Variants in RYR1 observed in about 807,000 individuals in gnomAD.
The protein encoded by RYR1 is central core disease of muscle.
A neutral mutation model predicts 583.5 loss-of-function variants in RYR1; 342 were observed. The ratio of observed to expected loss-of-function variants is 0.59; its 90% confidence interval spans 0.54 to 0.64. The LOEUF is 0.64. Among genes scored for constraint, RYR1 ranks in the 30% least tolerant of loss-of-function variants. The probability of loss-of-function intolerance (pLI) is 0.00; values close to 1 mark genes in which losing one functional copy is unlikely to be tolerated. For missense variants in RYR1, 6,032 were observed against 6,917.2 expected (o/e 0.87, Z 4.54); for synonymous variants, 2,791 against 2,822.5 (o/e 0.99, Z 0.35).
At chr19:38,504,159 G>A (rs2145625915) in intron 49 of RYR1, 61 bp from the exon 50 acceptor site, 10 of 1,554,398 alleles carry the variant, frequency 6.4e-6, no homozygotes, top group African/African-American at 1.4e-5. Context: ...CTGGGCCTTC[G>A]TCTGCCTGCC....
rs747311834 is a variant in RYR1 at position 38,477,743 on chromosome 19, G to A, written c.4327G>A (p.Glu1443Lys). The change falls in exon 30 of 106, where the codon GAG (glutamate) becomes AAG (lysine). Residue 1443 changes from glutamate (E) to lysine (K), a missense_variant. Glu to Lys is a moderately conservative substitution (Grantham distance 56). Around this residue, in one of 11 missense-constraint regions of RYR1, gnomAD observed 2,627 missense variants for 2,961.3 expected, o/e 0.89. Transcript: ENST00000359596. ...CTCCGTGAGGGTCTTTGCTGGACAGGAGCCCAGCTGCGTGTGGGCGGGCTG... is the reference window on the plus strand; with the variant it reads ...CTCCGTGAGGGTCTTTGCTGGACAGAAGCCCAGCTGCGTGTGGGCGGGCTG... ...YYSVRVFAGQ[E>K]PSCVWAGWVT... The A allele has an allele frequency of 6.2e-6, 10 of 1,614,142 alleles. No homozygotes were observed. In the South Asian group the frequency reaches 1.1e-4, roughly 18 times the overall value.
Position 38,464,711 on chromosome 19 carries a change from A to G in RYR1, c.2859A>G (p.Lys953=). The change falls in exon 23 of 106, where the codon AAA becomes AAG. Residue 953 remains lysine (K), a synonymous_variant. Transcript: ENST00000359596. ...EKAEDNLKKT[K]LPKTYMMSNG... The stretch of plus-strand genomic sequence containing the variant: ...CGGAGGACAACCTGAAGAAGACAAA[A>G]CTCCCCAAGACGTGAGTGTGGGCAG... 1 of 1,583,022 alleles carries G rather than the reference A, an allele frequency of 6.3e-7. No individual in the cohort carries two copies. Among genetic ancestry groups the G allele is most frequent in the African/African-American group, 1.3e-5 (1 of 74,324 alleles).
intron 93 of RYR1, among the ~76,000 whole-genome samples, chr19:38,568,418 C>T (rs1388693336): frequency 6.6e-6 from 1 of 151,940 alleles, no homozygotes; most frequent in African/African-American, 2.4e-5. Context: ...ATCCTGTCTC[C>T]CCTCCAGGCC....
At position 38,536,767 on chromosome 19, in the gene RYR1, G is replaced by A. The variant is rs1306190316; in HGVS notation, c.11608G>A (p.Gly3870Arg). 2.5e-6 allele frequency: 4 copies of A among 1,613,692 alleles called. No individual in the cohort carries two copies. Among genetic ancestry groups the A allele is most frequent in the Non-Finnish European group, 2.5e-6 (3 of 1,179,880 alleles). Residue 3870 changes from glycine to arginine, a missense_variant and splice_region_variant, in exon 83 of 106, where the codon GGA (glycine) becomes AGA (arginine). Coordinates refer to ENST00000359596, the MANE Select transcript of RYR1 (RefSeq NM_000540.3). The part of the protein sequence containing the change: ...EDGTVINRQN[G>R]EKVMADDEFT... ...TGCCCCAGTCATCAATCGCCAGAACGGTAATTCCCCCAGCCCACCCCCGTG... is the reference window on the plus strand; with the variant it reads ...TGCCCCAGTCATCAATCGCCAGAACAGTAATTCCCCCAGCCCACCCCCGTG...
intron 57 of RYR1, 48 bp downstream of exon 57, chr19:38,507,000 C>T (rs199886116): frequency 8.1e-6 from 13 of 1,611,320 alleles, no homozygotes; most frequent in Non-Finnish European, 1.1e-5. Context: ...AGAACACACC[C>T]GGCAAAGGCT....
intron 89 of RYR1, among the ~76,000 whole-genome samples, chr19:38,552,248 A>T (rs1398326778): frequency 3.3e-5 from 5 of 149,732 alleles, no homozygotes; most frequent in Non-Finnish European, 4.4e-5. Flanking sequence ...TACCATGCCC[A>T]GCAGGACTGC....
At position 38,477,762 on chromosome 19, in the gene RYR1, C is replaced by T. The variant is rs775455157; in HGVS notation, c.4346C>T (p.Ala1449Val). ...FAGQEPSCVW[A>V]GWVTPDYHQH... is the part of the protein sequence containing the mutation. ...GGACAGGAGCCCAGCTGCGTGTGGG[C>T]GGGCTGGGTCACCCCTGACTACCAT... is the stretch of plus-strand genomic sequence containing the variant. The change falls in exon 30 of 106, where the codon GCG (alanine) becomes GTG (valine). Residue 1449 changes from alanine to valine, a missense_variant. Ala to Val is a moderately conservative substitution (Grantham distance 64). Coordinates refer to ENST00000359596, the MANE Select transcript of RYR1 (RefSeq NM_000540.3). 111 of 1,613,962 alleles carry T rather than the reference C, an allele frequency of 6.9e-5. No homozygotes were observed. The highest frequency in any genetic ancestry group is 7.5e-5 in the Non-Finnish European group (89 of 1,180,008).
intron 67 of RYR1, among the ~76,000 whole-genome samples, chr19:38,522,600 C>A (rs1382760518): frequency 6.6e-6 from 1 of 151,444 alleles, no homozygotes; most frequent in Non-Finnish European, 1.5e-5. Context: ...CAGATTGAGA[C>A]CCTGTCTCAG....
chr19:38,574,023 G>A (rs530586697), intron 96 of RYR1, among the ~76,000 whole-genome samples: 5 of 152,236 alleles, frequency 3.3e-5, no homozygotes, highest in African/African-American at 1.2e-4. Context: ...CAGATCACTT[G>A]AGGTCAGGAG....
chr19:38,570,648 C>T lies in RYR1; in HGVS notation c.13701C>T (p.Ala4567=), dbSNP rs757357982. The T allele has an allele frequency of 1.9e-6, 3 of 1,613,984 alleles. No individual in the cohort carries two copies. The highest frequency in any genetic ancestry group is 2.5e-6 in the Non-Finnish European group (3 of 1,179,970). Residue 4567 remains alanine, a synonymous_variant, in exon 94 of 106, where the codon GCC becomes GCT. Transcript: ENST00000359596. ...ACTTTTACACCCTGCGGTTCCTTGCCCTCTTCTTGGCATTTGCCATCAACT... is the reference window on the plus strand; with the variant it reads ...ACTTTTACACCCTGCGGTTCCTTGCTCTCTTCTTGGCATTTGCCATCAACT... ...SRNFYTLRFL[A]LFLAFAINFI...
Position 38,444,041 on chromosome 19 carries a change from G to C in RYR1, c.425-108G>C. 1.0e-6 allele frequency: 1 copy of C among 957,708 alleles called. No homozygotes were observed. Among genetic ancestry groups the C allele is most frequent in the African/African-American group, 1.6e-5 (1 of 62,178 alleles). 59.3% of individuals were successfully genotyped at this position (957,708 alleles called of 1,614,324 possible). Reference sequence around the variant, plus strand: ...CAGAGAGTTGGTGGCAGTGATAGGAGAGTTGTGGGCCAAGGGCCCGGGAGG... The same window carrying C: ...CAGAGAGTTGGTGGCAGTGATAGGACAGTTGTGGGCCAAGGGCCCGGGAGG... On this transcript the variant is annotated intron_variant, in intron 5 of 105. Coordinates refer to ENST00000359596, the MANE Select transcript of RYR1 (RefSeq NM_000540.3). The surrounding 1 kb of genome is among the most constrained non-coding windows in gnomAD (Gnocchi z 5.1).
chr19:38,536,466 C>T (rs1422243000), intron 82 of RYR1, among the ~76,000 whole-genome samples: 7 of 151,604 alleles, frequency 4.6e-5, no homozygotes, highest in East Asian at 1.9e-4. Context: ...CCCGGATCCT[C>T]GCTCCTGCCT....
Position 38,548,217 on chromosome 19 carries a change from C to G in RYR1, c.12095-16C>G, listed in dbSNP as rs368265206. The G allele has an allele frequency of 1.4e-5, 23 of 1,613,902 alleles. No homozygotes were observed. The highest frequency in any genetic ancestry group is 1.8e-5 in the Non-Finnish European group (21 of 1,180,020). On this transcript the variant is annotated splice_polypyrimidine_tract_variant and intron_variant, in intron 88 of 105. Coordinates refer to ENST00000359596, the MANE Select transcript of RYR1 (RefSeq NM_000540.3). Reference sequence around the variant, plus strand: ...GGGAGTGTTCACCGGCCACACTGACCTGGGGCTGCCTGCAGGGAACGTGGT... The same window carrying G: ...GGGAGTGTTCACCGGCCACACTGACGTGGGGCTGCCTGCAGGGAACGTGGT...
rs1970541664 is a variant in RYR1 at position 38,507,756 on chromosome 19, G to A, written c.8861G>A (p.Arg2954Gln). 2 of 1,613,888 alleles carry A rather than the reference G, an allele frequency of 1.2e-6. No homozygotes were observed. Among genetic ancestry groups the A allele is most frequent in the Non-Finnish European group, 1.7e-6 (2 of 1,179,832 alleles). The change falls in exon 58 of 106, where the codon CGG (arginine) becomes CAG (glutamine). Residue 2954 changes from arginine (R) to glutamine (Q), a missense_variant. Physicochemically the swap from Arg to Gln is conservative, Grantham distance 43 (BLOSUM62 1). This residue lies in a region of RYR1 where 1,493 missense variants were observed against 1,715.5 expected (regional missense o/e 0.87). Transcript: ENST00000359596. ...MELDSSSIEKRFAFGFLQQLL... is the reference protein window; with the variant it reads ...MELDSSSIEKQFAFGFLQQLL... ...CTGGACTCGTCTTCCATTGAAAAGC[G>A]GTTTGCCTTTGGCTTCCTGCAGCAG...
At chr19:38,566,726 C>T (rs1217317836) in intron 91 of RYR1, among the ~76,000 whole-genome samples, 185 bp from the exon 92 acceptor site, 4 of 152,096 alleles carry the variant, frequency 2.6e-5, no homozygotes, top group African/African-American at 9.7e-5. Flanking sequence ...AAGGGCTTCA[C>T]CTCGATGAGC....
intron 58 of RYR1, among the ~76,000 whole-genome samples, chr19:38,509,209 TCA>T (rs149657536): frequency 7.2e-4 from 110 of 152,206 alleles, no homozygotes; most frequent in African/African-American, 2.6e-3. Flanking sequence ...TCTCTAGACC[TCA>T]GTTTCCTCAC....
rs190286406 is a variant in RYR1, at chr19:38,474,478, G to T, written c.4160+707G>T. On this transcript the variant is annotated intron_variant, in intron 28 of 105. Transcript: ENST00000359596. ...GGGTTTTGCCATGTTGGCCAGGCTG[G>T]TCTCAAACTCCTGACCTCAGGTGAT... Among the ~76,000 whole-genome samples the T allele has an allele frequency of 6.8e-3, 1,029 of 150,920 alleles. 12 individuals are homozygous for T. The highest frequency in any genetic ancestry group is 0.024 in the African/African-American group (985 of 41,048).
intron 99 of RYR1, among the ~76,000 whole-genome samples, chr19:38,578,875 G>A (rs1468220216): frequency 2.6e-5 from 4 of 152,154 alleles, no homozygotes. Flanking sequence ...ACTTTGGGAG[G>A]CGGAGGCAGA....
intron 58 of RYR1, among the ~76,000 whole-genome samples, chr19:38,509,849 A>G (rs912733053): frequency 2.0e-5 from 3 of 150,924 alleles, no homozygotes; most frequent in African/African-American, 4.8e-5. Context: ...TAATTTGTTT[A>G]CATTGACTTC....
Sources: gnomAD v4.1 joint callset for allele counts (sites outside exome capture counted in the v4.1 genomes callset) on GRCh38, gnomAD v4.1.1 for gene constraint, gnomAD v4.1.1 regional missense constraint, Gnocchi (gnomAD v3.1) non-coding constraint, MANE v1.5 for transcripts, NCBI Gene and HGNC (gene_info 2026-07-23, HGNC 2026-07-21) for gene names.